KCNA1: variants seen among roughly 807,000 people sequenced by gnomAD.
The protein encoded by KCNA1 is potassium channel, voltage gated shaker related subfamily A, member 1.
KCNA1 carries 19 observed loss-of-function variants against 28.8 expected under a neutral mutation model. That is an observed-to-expected ratio of 0.66 (90% CI 0.46 to 0.97). The LOEUF (loss-of-function observed/expected upper bound fraction) is 0.97, where lower values mean the gene tolerates loss of function less well. Ranked by LOEUF, KCNA1 falls within the 50% of genes least tolerant of loss-of-function variation. The pLI is 0.00. For missense variants in KCNA1, 419 were observed against 659.7 expected, an observed-to-expected ratio of 0.64 and a Z score of 4.00; for synonymous variants, 311 against 268.8, an observed-to-expected ratio of 1.16 and a Z score of -1.53.
rs778171002 is a variant in KCNA1, at chr12:4,912,500, A to T, written c.1122A>T (p.Gly374=). 2 of 1,613,542 alleles carry T rather than the reference A, an allele frequency of 1.2e-6. No homozygotes were observed. The highest frequency in any genetic ancestry group is 2.2e-5 in the South Asian group (2 of 91,056). Residue 374 remains glycine (G), a synonymous_variant, in exon 2 of 2, where the codon GGA becomes GGT. Coordinates refer to ENST00000382545, the MANE Select transcript of KCNA1 (RefSeq NM_000217.3). ...WWAVVSMTTV[G]YGDMYPVTIG... ...CGGTGGTGTCCATGACCACTGTAGG[A>T]TACGGTGACATGTACCCTGTGACAA...
Position 4,911,482 on chromosome 12 carries a change from G to A in KCNA1, c.104G>A (p.Cys35Tyr). 6 of 1,614,102 alleles carry A rather than the reference G, an allele frequency of 3.7e-6. No homozygotes were observed. The highest frequency in any genetic ancestry group is 5.1e-6 in the Non-Finnish European group (6 of 1,180,026). Residue 35 changes from cysteine to tyrosine, a missense_variant, in exon 2 of 2, where the codon TGC (cysteine) becomes TAC (tyrosine). Physicochemically the swap from Cys to Tyr is radical, Grantham distance 194. Around this residue, in one of 4 missense-constraint regions of KCNA1, gnomAD observed 67 missense variants for 57.2 expected, o/e 1.17. Coordinates refer to ENST00000382545, the MANE Select transcript of KCNA1 (RefSeq NM_000217.3). The surrounding 1 kb of genome is among the most constrained non-coding windows in gnomAD (Gnocchi z 6.6). ...PRQADHDDHE[C>Y]CERVVINISG... ...CAGGCCGACCACGACGACCACGAGT[G>A]CTGCGAGCGCGTGGTGATCAACATC...
chr12:4,912,913 G>A lies in KCNA1; in HGVS notation c.*47G>A. The A allele has an allele frequency of 7.3e-7, 1 of 1,364,924 alleles. No individual in the cohort carries two copies. Among genetic ancestry groups the A allele is most frequent in the Non-Finnish European group, 1.0e-6 (1 of 953,878 alleles). The allele number at this position is 1,364,924 out of a possible 1,614,324, so 84.6% of individuals were successfully genotyped here. A position where few individuals can be genotyped will look rare whatever the true frequency, so the allele number is the denominator to read the frequency against. ...AAAAGCCCCACTTAGCAGCTCAAAA[G>A]ACTTAAAAAACAAAACAGAAAACCT... On this transcript the variant is annotated 3_prime_UTR_variant, in exon 2 of 2. Transcript: ENST00000382545.
In KCNA1 at chr12:4,912,882, A is replaced by G. The variant is rs540037560; in HGVS notation, c.*16A>G. ...CGATGTTTAAAAAACAAAGGCAAGC[A>G]AACAAAAAAGCCCCACTTAGCAGCT... On this transcript the variant is annotated 3_prime_UTR_variant, in exon 2 of 2. Transcript: ENST00000382545. The G allele has an allele frequency of 6.4e-7, 1 of 1,573,978 alleles. No homozygotes were observed. The highest frequency in any genetic ancestry group is 2.2e-5 in the East Asian group (1 of 44,636).
chr12:4,910,992 G>A lies in KCNA1; in HGVS notation c.-387G>A, dbSNP rs1007550829. 1.2e-5 allele frequency: 3 copies of A among 256,154 alleles called. No homozygotes were observed. Among genetic ancestry groups the A allele is most frequent in the Admixed American group, 5.2e-5 (1 of 19,378 alleles). 15.9% of individuals were successfully genotyped at this position (256,154 alleles called of 1,614,324 possible). On this transcript the variant is annotated 5_prime_UTR_variant, in exon 2 of 2. Coordinates refer to ENST00000382545, the MANE Select transcript of KCNA1 (RefSeq NM_000217.3). The surrounding 1 kb of genome is among the most constrained non-coding windows in gnomAD (Gnocchi z 4.9). ...CCTAGGAAGGCTCTCGGAGGGGAGG[G>A]GAGGCCAGGGCGACCCCCGAAGCAA...
chr12:4,911,514 C>A lies in KCNA1; in HGVS notation c.136C>A (p.Leu46Met), dbSNP rs149959487. 3.4e-4 allele frequency: 553 copies of A among 1,614,208 alleles called. No individual in the cohort carries two copies. The highest frequency in any genetic ancestry group is 4.4e-4 in the Non-Finnish European group (523 of 1,180,046). The change falls in exon 2 of 2, where the codon CTG becomes ATG. Residue 46 changes from leucine (L) to methionine (M), a missense_variant. Physicochemically the swap from Leu to Met is conservative, Grantham distance 15 (BLOSUM62 2). This residue lies in a region of KCNA1 where 217 missense variants were observed against 329.6 expected (regional missense o/e 0.66). Transcript: ENST00000382545. This position sits in a 1 kb window ranked among gnomAD's most constrained non-coding sequence, Gnocchi z 6.6. The stretch of plus-strand genomic sequence containing the variant: ...GCGCGTGGTGATCAACATCTCCGGG[C>A]TGCGCTTCGAGACGCAGCTCAAGAC... ...CERVVINISGLRFETQLKTLA... is the reference protein window; with the variant it reads ...CERVVINISGMRFETQLKTLA...
At position 4,913,715 on chromosome 12, in the gene KCNA1, A is replaced by G. The variant is rs41276728; in HGVS notation, c.*849A>G. On this transcript the variant is annotated 3_prime_UTR_variant, in exon 2 of 2. Transcript: ENST00000382545. ...TCCTTATTGCAAGAGAGCACAAATG[A>G]AGTTAAATGTAAGCATGTTTGAATC... The G allele has an allele frequency of 6.0e-6, 1 of 167,106 alleles. No individual in the cohort carries two copies. Among genetic ancestry groups the G allele is most frequent in the African/African-American group, 2.4e-5 (1 of 41,468 alleles). The allele number at this position is 167,106 out of a possible 1,614,324, so 10.4% of individuals were successfully genotyped here. A position where few individuals can be genotyped will look rare whatever the true frequency, so the allele number is the denominator to read the frequency against.
Position 4,911,747 on chromosome 12 carries a change from C to G in KCNA1, c.369C>G (p.Gly123=), listed in dbSNP as rs1389791621. The change falls in exon 2 of 2, where the codon GGC becomes GGG. Residue 123 remains glycine, a synonymous_variant. Coordinates refer to ENST00000382545, the MANE Select transcript of KCNA1 (RefSeq NM_000217.3). The surrounding 1 kb of genome is among the most constrained non-coding windows in gnomAD (Gnocchi z 6.6). ...FSEEIKFYEL[G]EEAMEKFRED... ...AGGAGATCAAGTTTTACGAGTTGGGCGAGGAGGCCATGGAGAAGTTCCGGG... is the reference window on the plus strand; with the variant it reads ...AGGAGATCAAGTTTTACGAGTTGGGGGAGGAGGCCATGGAGAAGTTCCGGG... 2 of 1,614,080 alleles carry G rather than the reference C, an allele frequency of 1.2e-6. No homozygotes were observed. The highest frequency in any genetic ancestry group is 1.7e-6 in the Non-Finnish European group (2 of 1,180,030).
Position 4,910,955 on chromosome 12 carries a change from A to C in KCNA1, c.-424A>C. ...AGGCGTGGGGATCTGCCGAGCCGGC[A>C]CTGCACCGGGTCCTAGGAAGGCTCT... is the stretch of plus-strand genomic sequence containing the variant. On this transcript the variant is annotated 5_prime_UTR_variant, in exon 2 of 2. Coordinates refer to ENST00000382545, the MANE Select transcript of KCNA1 (RefSeq NM_000217.3). This position sits in a 1 kb window ranked among gnomAD's most constrained non-coding sequence, Gnocchi z 4.9. The C allele has an allele frequency of 4.5e-6, 1 of 223,368 alleles. No homozygotes were observed. Among genetic ancestry groups the C allele is most frequent in the South Asian group, 7.0e-5 (1 of 14,230 alleles). The allele number at this position is 223,368 out of a possible 1,614,324, so 13.8% of individuals were successfully genotyped here. A position where few individuals can be genotyped will look rare whatever the true frequency, so the allele number is the denominator to read the frequency against.
Position 4,917,869 on chromosome 12 carries a change from T to C in KCNA1, c.*5003T>C, listed in dbSNP as rs1947395320. 1 of 167,066 alleles carries C rather than the reference T, an allele frequency of 6.0e-6. No individual in the cohort carries two copies. Among genetic ancestry groups the C allele is most frequent in the African/African-American group, 2.4e-5 (1 of 41,460 alleles). The allele number at this position is 167,066 out of a possible 1,614,324, so 10.3% of individuals were successfully genotyped here. On this transcript the variant is annotated 3_prime_UTR_variant, in exon 2 of 2. Coordinates refer to ENST00000382545, the MANE Select transcript of KCNA1 (RefSeq NM_000217.3). ...GTTTTGGGACTGTTTATGCAGCAGATGTAAGTAGACAACATGGACTCCATG... is the reference window on the plus strand; with the variant it reads ...GTTTTGGGACTGTTTATGCAGCAGACGTAAGTAGACAACATGGACTCCATG...
At position 4,915,549 on chromosome 12, in the gene KCNA1, G is replaced by A. The variant is rs1947380090; in HGVS notation, c.*2683G>A. 1.2e-5 allele frequency: 2 copies of A among 167,120 alleles called. No homozygotes were observed. The highest frequency in any genetic ancestry group is 4.8e-5 in the African/African-American group (2 of 41,452). The allele number at this position is 167,120 out of a possible 1,614,324, so 10.4% of individuals were successfully genotyped here. On this transcript the variant is annotated 3_prime_UTR_variant, in exon 2 of 2. Transcript: ENST00000382545. ...TGGAAGATGAGGGGCCAAGAACTGC[G>A]CAGCATCCGACTACAGGGCATTAAA... is the stretch of plus-strand genomic sequence containing the variant.
Position 4,913,652 on chromosome 12 carries a change from G to C in KCNA1, c.*786G>C, listed in dbSNP as rs148607588. ...TCTTTTCTCACCAGGCCTGCACTCC[G>C]ACCCCTGGCTTTCAGAACTGGATGT... is the stretch of plus-strand genomic sequence containing the variant. On this transcript the variant is annotated 3_prime_UTR_variant, in exon 2 of 2. Coordinates refer to ENST00000382545, the MANE Select transcript of KCNA1 (RefSeq NM_000217.3). The C allele has an allele frequency of 6.0e-6, 1 of 167,028 alleles. No individual in the cohort carries two copies. The highest frequency in any genetic ancestry group is 2.4e-5 in the African/African-American group (1 of 41,436). The allele number at this position is 167,028 out of a possible 1,614,324, so 10.3% of individuals were successfully genotyped here. A position where few individuals can be genotyped will look rare whatever the true frequency, so the allele number is the denominator to read the frequency against.
In KCNA1 at chr12:4,914,867, G is replaced by A. The variant is rs1158446498; in HGVS notation, c.*2001G>A. 1 of 167,066 alleles carries A rather than the reference G, an allele frequency of 6.0e-6. No individual in the cohort carries two copies. Among genetic ancestry groups the A allele is most frequent in the Non-Finnish European group, 1.5e-5 (1 of 68,148 alleles). 10.3% of individuals were successfully genotyped at this position (167,066 alleles called of 1,614,324 possible). A position where few individuals can be genotyped will look rare whatever the true frequency, so the allele number is the denominator to read the frequency against. On this transcript the variant is annotated 3_prime_UTR_variant, in exon 2 of 2. Transcript: ENST00000382545. ...ACTTTTTGGGAATTTGTTTCCTATC[G>A]AGGGCCACTTTGGACACACAAGGCT...
chr12:4,917,167 C>T lies in KCNA1; in HGVS notation c.*4301C>T, dbSNP rs2137678235. 1 of 167,080 alleles carries T rather than the reference C, an allele frequency of 6.0e-6. No homozygotes were observed. Among genetic ancestry groups the T allele is most frequent in the Admixed American group, 6.5e-5 (1 of 15,294 alleles). The allele number at this position is 167,080 out of a possible 1,614,324, so 10.3% of individuals were successfully genotyped here. A position where few individuals can be genotyped will look rare whatever the true frequency, so the allele number is the denominator to read the frequency against. ...CAAGCATGTTATCTTCAGGCTTTTC[C>T]AAGCAAGAATGAAGTCTTTTGATGT... On this transcript the variant is annotated 3_prime_UTR_variant, in exon 2 of 2. Transcript: ENST00000382545.
In KCNA1 at chr12:4,911,556, A is replaced by G; in HGVS notation, c.178A>G (p.Asn60Asp). The stretch of plus-strand genomic sequence containing the variant: ...GCTCAAGACCCTGGCGCAGTTCCCC[A>G]ACACGCTGCTGGGCAACCCTAAGAA... ...TQLKTLAQFPNTLLGNPKKRM... is the reference protein window; with the variant it reads ...TQLKTLAQFPDTLLGNPKKRM... Residue 60 changes from asparagine (N) to aspartate (D), a missense_variant, in exon 2 of 2, where the codon AAC (asparagine) becomes GAC (aspartate). This residue lies in a region of KCNA1 where 217 missense variants were observed against 329.6 expected (regional missense o/e 0.66). Coordinates refer to ENST00000382545, the MANE Select transcript of KCNA1 (RefSeq NM_000217.3). This position sits in a 1 kb window ranked among gnomAD's most constrained non-coding sequence, Gnocchi z 6.6. 1 of 1,614,174 alleles carries G rather than the reference A, an allele frequency of 6.2e-7. No homozygotes were observed.
rs76258625 is a variant in KCNA1 at position 4,915,111 on chromosome 12, C to G, written c.*2245C>G. 5.5e-3 allele frequency: 922 copies of G among 166,972 alleles called. 9 individuals are homozygous for G. Among genetic ancestry groups the G allele is most frequent in the Non-Finnish European group, 2.6e-3 (174 of 68,110 alleles). 10.3% of individuals were successfully genotyped at this position (166,972 alleles called of 1,614,324 possible). A position where few individuals can be genotyped will look rare whatever the true frequency, so the allele number is the denominator to read the frequency against. ...TGATCTTCCCACCTGGCAGTCACTT[C>G]ACAGGTTGAACATCTAACTTCTGCT... On this transcript the variant is annotated 3_prime_UTR_variant, in exon 2 of 2. Coordinates refer to ENST00000382545, the MANE Select transcript of KCNA1 (RefSeq NM_000217.3).
At position 4,912,446 on chromosome 12, in the gene KCNA1, C is replaced by T. The variant is rs1350252279; in HGVS notation, c.1068C>T (p.Phe356=). 6.2e-7 allele frequency: 1 copy of T among 1,613,998 alleles called. No homozygotes were observed. The highest frequency in any genetic ancestry group is 1.7e-5 in the Admixed American group (1 of 60,002). Residue 356 remains phenylalanine (F), a synonymous_variant, in exon 2 of 2, where the codon TTC becomes TTT. Coordinates refer to ENST00000382545, the MANE Select transcript of KCNA1 (RefSeq NM_000217.3). ...FAEAEEAESH[F]SSIPDAFWWA... ...AGGCGGAAGAAGCTGAGTCGCACTT[C>T]TCCAGTATCCCCGATGCTTTCTGGT...
rs1279080691 is a variant in KCNA1, at chr12:4,916,788, A to G, written c.*3922A>G. 1.2e-5 allele frequency: 2 copies of G among 167,038 alleles called. No individual in the cohort carries two copies. Among genetic ancestry groups the G allele is most frequent in the African/African-American group, 2.4e-5 (1 of 41,448 alleles). 10.3% of individuals were successfully genotyped at this position (167,038 alleles called of 1,614,324 possible). ...TTGAGAATTAAAAAAATACATGTAA[A>G]TGGTAAATGAGGAATACATTTTTTT... On this transcript the variant is annotated 3_prime_UTR_variant, in exon 2 of 2. Transcript: ENST00000382545.
rs1176020323 is a variant in KCNA1, at chr12:4,910,680, C to A, written c.-539-160C>A. On this transcript the variant is annotated intron_variant, in intron 1 of 1. Coordinates refer to ENST00000382545, the MANE Select transcript of KCNA1 (RefSeq NM_000217.3). The surrounding 1 kb of genome is among the most constrained non-coding windows in gnomAD (Gnocchi z 4.9). ...ATGGAAGAGCCCCAAACTTGGATTT[C>A]CGGGTGTCTGCGTGTCGTCTGTCCG... Among the ~76,000 whole-genome samples, 1 of 152,132 alleles carries A rather than the reference C, an allele frequency of 6.6e-6. No homozygotes were observed. Among genetic ancestry groups the A allele is most frequent in the Non-Finnish European group, 1.5e-5 (1 of 68,022 alleles).
rs979266381 is a variant in KCNA1, at chr12:4,911,037, G to A, written c.-342G>A. 2.2e-5 allele frequency: 8 copies of A among 362,106 alleles called. No homozygotes were observed. The highest frequency in any genetic ancestry group is 4.1e-5 in the Non-Finnish European group (8 of 194,862). The allele number at this position is 362,106 out of a possible 1,614,324, so 22.4% of individuals were successfully genotyped here. On this transcript the variant is annotated 5_prime_UTR_variant, in exon 2 of 2. Coordinates refer to ENST00000382545, the MANE Select transcript of KCNA1 (RefSeq NM_000217.3). The surrounding 1 kb of genome is among the most constrained non-coding windows in gnomAD (Gnocchi z 6.6). ...AAGCAATGGCCCAGTCCGCTAGAACGGCACTGCGTTAAGGCACCTGGGATC... is the reference window on the plus strand; with the variant it reads ...AAGCAATGGCCCAGTCCGCTAGAACAGCACTGCGTTAAGGCACCTGGGATC...
Sources: gnomAD v4.1 joint callset for allele counts (sites outside exome capture counted in the v4.1 genomes callset) on GRCh38, gnomAD v4.1.1 for gene constraint, gnomAD v4.1.1 regional missense constraint, Gnocchi (gnomAD v3.1) non-coding constraint, MANE v1.5 for transcripts, NCBI Gene and HGNC (gene_info 2026-07-23, HGNC 2026-07-21) for gene names.